DGKB: variants seen among roughly 807,000 people sequenced by gnomAD.
DGKB encodes the protein 90 kDa diacylglycerol kinase.
A neutral mutation model predicts 114.3 loss-of-function variants in DGKB; 67 were observed. The ratio of observed to expected loss-of-function variants is 0.59; its 90% CI spans 0.48 to 0.72. The LOEUF (loss-of-function observed/expected upper bound fraction) is 0.72. Among genes scored for constraint, DGKB ranks in the 30% least tolerant of loss-of-function variants. DGKB has a pLI of 0.00. For synonymous variants in DGKB, 398 were observed against 323.1 expected, an observed-to-expected ratio of 1.23 and a Z score of -2.49; for missense variants, 907 against 975.2, an observed-to-expected ratio of 0.93 and a Z score of 0.93.
chr7:14,529,860 A>C (rs570349824), intron 20 of DGKB, among the ~76,000 whole-genome samples: 2 of 151,842 alleles, frequency 1.3e-5, no homozygotes, highest in South Asian at 4.1e-4. Context: ...ATTCTACACT[A>C]TAATAAAGTA....
intron 2 of DGKB, among the ~76,000 whole-genome samples, chr7:14,818,669 C>T (rs1488235352): frequency 1.3e-5 from 2 of 152,170 alleles, no homozygotes; most frequent in East Asian, 3.9e-4. Context: ...CAATCACCTC[C>T]AGTCAGATTA....
At chr7:14,618,695 T>A (rs1807025223) in intron 15 of DGKB, among the ~76,000 whole-genome samples, 1 of 151,582 alleles carries the variant, frequency 6.6e-6, no homozygotes, top group African/African-American at 2.4e-5. Flanking sequence ...AGACTCATCC[T>A]AAGGTTATAC....
chr7:14,310,425 G>A (rs1805196965), intron 23 of DGKB, among the ~76,000 whole-genome samples: 1 of 151,908 alleles, frequency 6.6e-6, no homozygotes, highest in Non-Finnish European at 1.5e-5. Context: ...GAAGACAGGA[G>A]TGGCAAACAT....
At chr7:14,710,229 A>C (rs1827128035) in intron 6 of DGKB, among the ~76,000 whole-genome samples, 1 of 152,102 alleles carries the variant, frequency 6.6e-6, no homozygotes, top group African/African-American at 2.4e-5. Flanking sequence ...AGACCTTTCA[A>C]ATAGTTTTTA....
chr7:14,356,519 G>A (rs1439566001), intron 21 of DGKB, among the ~76,000 whole-genome samples: 1 of 151,758 alleles, frequency 6.6e-6, no homozygotes, highest in Non-Finnish European at 1.5e-5. Flanking sequence ...CTGCAACCAC[G>A]CCCAGCTAAT....
At chr7:14,511,285 G>A (rs1023298420) in intron 20 of DGKB, among the ~76,000 whole-genome samples, 9 of 152,244 alleles carry the variant, frequency 5.9e-5, no homozygotes, top group African/African-American at 1.9e-4. Flanking sequence ...TAGCTAAATC[G>A]CCAAATCTTC....
At chr7:14,286,409 T>G (rs547049077) in intron 23 of DGKB, among the ~76,000 whole-genome samples, 2 of 152,308 alleles carry the variant, frequency 1.3e-5, no homozygotes, top group South Asian at 4.1e-4. Context: ...ATACAGAGAA[T>G]GTATTACTTG....
rs1562633794 is a variant in DGKB, at chr7:14,212,374, CGTGTTTTGTGATATTTA to C, written c.2123-34240_2123-34224del. Among the ~76,000 whole-genome samples the C allele has an allele frequency of 4.5e-4, 23 of 51,066 alleles. 6 individuals carry two copies. Among genetic ancestry groups the C allele is most frequent in the African/African-American group, 1.9e-3 (23 of 12,370 alleles). The allele number at this position is 51,066 out of a possible 152,430, so 33.5% of individuals were successfully genotyped here. On this transcript the variant is annotated intron_variant, in intron 23 of 25. Transcript: ENST00000402815. ...CTCTCATGTTTTGTGATTTTACTCT[CGTGTTTTGTGATATTTA>C]CTCTCATGTTTTGTGATTTTACTCT...
At chr7:14,345,498 CA>C in intron 21 of DGKB, 107 bp from the exon 22 acceptor site, 1 of 584,174 alleles carries the variant, frequency 1.7e-6, no homozygotes, top group Non-Finnish European at 3.0e-6. Context: ...GGTCTGAGGA[CA>C]TGTGACATCT....
At chr7:14,244,956 CAG>C (rs1362960548) in intron 23 of DGKB, among the ~76,000 whole-genome samples, 2 of 152,102 alleles carry the variant, frequency 1.3e-5, no homozygotes, top group Non-Finnish European at 2.9e-5. Flanking sequence ...TAGACTAAGA[CAG>C]TAATGAAGTT....
At chr7:14,278,306 T>C (rs1341762169) in intron 23 of DGKB, among the ~76,000 whole-genome samples, 3 of 152,016 alleles carry the variant, frequency 2.0e-5, no homozygotes, top group Non-Finnish European at 4.4e-5. Context: ...TACAGACCAA[T>C]GGAATGGGAT....
intron 23 of DGKB, among the ~76,000 whole-genome samples, chr7:14,251,293 A>T (rs997933876): frequency 1.3e-5 from 2 of 151,700 alleles, no homozygotes; most frequent in African/African-American, 2.4e-5. Flanking sequence ...TCTACTACAG[A>T]TTTTCTTTTT....
At position 14,704,440 on chromosome 7, in the gene DGKB, T is replaced by A. The variant is rs1585815580; in HGVS notation, c.467-2710A>T. Among the ~76,000 whole-genome samples, 4 of 108,862 alleles carry A rather than the reference T, an allele frequency of 3.7e-5. No homozygotes were observed. The South Asian group carries it at 9.7e-4, about 26-fold the overall frequency. 71.4% of individuals were successfully genotyped at this position (108,862 alleles called of 152,430 possible). ...TCCAGCCTGGGCGACAGAGCGAGAC[T>A]CCATCTCAAAAAAAAAAAAAAAAAG... On this transcript the variant is annotated intron_variant, in intron 6 of 25. Coordinates refer to ENST00000402815, the MANE Select transcript of DGKB (RefSeq NM_001350709.2).
chr7:14,966,019 T>G (rs1787126762), intron 1 of DGKB, among the ~76,000 whole-genome samples: 1 of 152,190 alleles, frequency 6.6e-6, no homozygotes, highest in African/African-American at 2.4e-5. Context: ...TTGACAATAA[T>G]TTTATAAATA....
chr7:14,890,986 C>T (rs777405076), intron 1 of DGKB, among the ~76,000 whole-genome samples: 4 of 151,020 alleles, frequency 2.6e-5, no homozygotes, highest in Admixed American at 6.6e-5. Context: ...AATAGAATAA[C>T]ATTATTGAGT....
At chr7:14,352,246 AC>A (rs1438764308) in intron 21 of DGKB, among the ~76,000 whole-genome samples, 6 of 152,178 alleles carry the variant, frequency 3.9e-5, no homozygotes, top group Non-Finnish European at 8.8e-5. Flanking sequence ...GACTAAAGAA[AC>A]TTTTTTTATA....
intron 5 of DGKB, 91 bp from the exon 6 acceptor site, chr7:14,718,776 C>A (rs1019099674): frequency 2.1e-6 from 2 of 952,602 alleles, no homozygotes; most frequent in Non-Finnish European, 1.6e-6. Flanking sequence ...ACACAGGCTA[C>A]ATAGAAATTT....
intron 17 of DGKB, among the ~76,000 whole-genome samples, chr7:14,587,937 T>C (rs1358836338): frequency 6.6e-6 from 1 of 152,190 alleles, no homozygotes; most frequent in African/African-American, 2.4e-5. Context: ...ATTCACTTTA[T>C]TGTGGTGGTG....
At position 14,512,730 on chromosome 7, in the gene DGKB, G is replaced by A. The variant is rs573370638; in HGVS notation, c.1771-34505C>T. Among the ~76,000 whole-genome samples, 7 of 151,916 alleles carry A rather than the reference G, an allele frequency of 4.6e-5. No homozygotes were observed. In the South Asian group the frequency reaches 1.5e-3, roughly 32 times the overall value. ...TTTCTCTACTAAATGTGATTAGAAG[G>A]CTCCCTGTCCCTTATATATTATAGA... On this transcript the variant is annotated intron_variant, in intron 20 of 25. Transcript: ENST00000402815.
Sources: allele counts gnomAD v4.1 joint callset (sites outside exome capture counted in the v4.1 genomes callset), GRCh38; gene constraint gnomAD v4.1.1; transcripts MANE v1.5; gene names NCBI Gene and HGNC (gene_info 2026-07-23, HGNC 2026-07-21).